The following CARMIL2 variants were observed in gnomAD, a reference collection of about 807,000 sequenced individuals.
The protein encoded by CARMIL2 is capping protein regulator and myosin 1 linker 2.
In CARMIL2, 96 loss-of-function variants were observed where a neutral mutation model predicts 173.3. That is an observed-to-expected ratio of 0.55 (90% CI 0.47 to 0.66). The LOEUF is 0.66. Among genes scored for constraint, CARMIL2 ranks in the 30% least tolerant of loss-of-function variants. CARMIL2 has a pLI of 0.00. For synonymous variants in CARMIL2, 830 were observed against 817.1 expected (o/e 1.02, Z -0.27); for missense variants, 1,771 against 1,906.7 (o/e 0.93, Z 1.33).
Position 67,656,824 on chromosome 16 carries a change from C to T in CARMIL2, c.4060C>T (p.Leu1354Phe). The T allele has an allele frequency of 6.4e-7, 1 of 1,551,048 alleles. No homozygotes were observed. Among genetic ancestry groups the T allele is most frequent in the Middle Eastern group, 1.7e-4 (1 of 5,934 alleles). Reference protein sequence around the residue: ...NEDGQLRPRPLSAGRRAVSVH... With the variant: ...NEDGQLRPRPFSAGRRAVSVH... ...AGATGGCCAGCTGAGGCCGAGGCCT[C>T]TCTCGGCAGGGCGGCGAGCAGTGTC... The change falls in exon 36 of 38, where the codon CTC (leucine) becomes TTC (phenylalanine). Residue 1354 changes from leucine (L) to phenylalanine (F), a missense_variant. Physicochemically the swap from Leu to Phe is conservative, Grantham distance 22. Around this residue, in one of 3 missense-constraint regions of CARMIL2, gnomAD observed 817 missense variants for 903.5 expected, o/e 0.90. Coordinates refer to ENST00000334583, the MANE Select transcript of CARMIL2 (RefSeq NM_001013838.3).
chr16:67,648,598 C>T lies in CARMIL2; in HGVS notation c.1440-87C>T. Reference sequence around the variant, plus strand: ...CCTGCTTCTGTCGCTCCCACAACCTCCCCCAGATCCTGGCCCTGCCTCCTT... The same window carrying T: ...CCTGCTTCTGTCGCTCCCACAACCTTCCCCAGATCCTGGCCCTGCCTCCTT... On this transcript the variant is annotated intron_variant, in intron 15 of 37. Coordinates refer to ENST00000334583, the MANE Select transcript of CARMIL2 (RefSeq NM_001013838.3). The surrounding 1 kb of genome is among the most constrained non-coding windows in gnomAD (Gnocchi z 6.1). 2 of 1,488,128 alleles carry T rather than the reference C, an allele frequency of 1.3e-6. No individual in the cohort carries two copies. 92.2% of individuals were successfully genotyped at this position (1,488,128 alleles called of 1,614,324 possible). A position where few individuals can be genotyped will look rare whatever the true frequency, so the allele number is the denominator to read the frequency against.
In CARMIL2 at chr16:67,649,322, G is replaced by C. The variant is rs758955746; in HGVS notation, c.1746+11G>C. 78 of 1,611,170 alleles carry C rather than the reference G, an allele frequency of 4.8e-5. 1 individual carries two copies. In the South Asian group the frequency reaches 7.8e-4, roughly 16 times the overall value. ...CAGGACGACGATTGTGTGAGTTCAC[G>C]GGACCTTGCAGGGCCTCGGGCAATT... On this transcript the variant is annotated intron_variant, in intron 19 of 37. Transcript: ENST00000334583. The surrounding 1 kb of genome is among the most constrained non-coding windows in gnomAD (Gnocchi z 6.7).
chr16:67,647,646 G>A, intron 11 of CARMIL2, 34 bp from the exon 12 acceptor site: 1 of 1,601,352 alleles, frequency 6.2e-7, no homozygotes, highest in South Asian at 1.1e-5. Context: ...AGCAGGAGGA[G>A]GTGAGACCCA....
intron 31 of CARMIL2, 22 bp from the exon 32 acceptor site, chr16:67,654,756 A>G (rs1350114869): frequency 4.3e-6 from 7 of 1,612,794 alleles, no homozygotes; most frequent in East Asian, 2.2e-5. Flanking sequence ...ACTGTCTCCA[A>G]CTCGAGCATC....
In CARMIL2 at chr16:67,648,143, C is replaced by G. The variant is rs752218473; in HGVS notation, c.1163C>G (p.Ser388Cys). 1.6e-5 allele frequency: 26 copies of G among 1,612,366 alleles called. No homozygotes were observed. Among genetic ancestry groups the G allele is most frequent in the Non-Finnish European group, 2.0e-5 (24 of 1,179,434 alleles). Residue 388 changes from serine to cysteine, a missense_variant, in exon 14 of 38, where the codon TCC becomes TGC. Physicochemically the swap from Ser to Cys is moderately radical, Grantham distance 112 (BLOSUM62 -1). Coordinates refer to ENST00000334583, the MANE Select transcript of CARMIL2 (RefSeq NM_001013838.3). This position sits in a 1 kb window ranked among gnomAD's most constrained non-coding sequence, Gnocchi z 6.1. ...GCCCTGGACACTGTGAGGGGGTGCT[C>G]CGTGGGGGGATGGATGACCGGCAGG... ...DTALDTVRGCSVGGWMTGRAD... is the reference protein window; with the variant it reads ...DTALDTVRGCCVGGWMTGRAD...
At position 67,646,227 on chromosome 16, in the gene CARMIL2, G is replaced by C. The variant is rs772447058; in HGVS notation, c.291G>C (p.Glu97Asp). ...ELESLRELVLEFPGVAALEQL... is the reference protein window; with the variant it reads ...ELESLRELVLDFPGVAALEQL... The stretch of plus-strand genomic sequence containing the variant: ...AGTCCCTGCGTGAGCTGGTCCTGGA[G>C]TTTCCTGGTGTGGCCGCCCTGGAAC... Residue 97 changes from glutamate (E) to aspartate (D), a missense_variant, in exon 5 of 38, where the codon GAG (glutamate) becomes GAC (aspartate). This residue lies in a region of CARMIL2 where 944 missense variants were observed against 975.6 expected (regional missense o/e 0.97). Coordinates refer to ENST00000334583, the MANE Select transcript of CARMIL2 (RefSeq NM_001013838.3). This position sits in a 1 kb window ranked among gnomAD's most constrained non-coding sequence, Gnocchi z 4.6. The C allele has an allele frequency of 6.2e-7, 1 of 1,613,720 alleles. No homozygotes were observed. Among genetic ancestry groups the C allele is most frequent in the Non-Finnish European group, 8.5e-7 (1 of 1,179,898 alleles).
chr16:67,652,321 G>T lies in CARMIL2; in HGVS notation c.2799G>T (p.Lys933Asn). The T allele has an allele frequency of 6.2e-7, 1 of 1,613,126 alleles. No individual in the cohort carries two copies. Among genetic ancestry groups the T allele is most frequent in the Non-Finnish European group, 8.5e-7 (1 of 1,179,798 alleles). ...ELEGLFFPEE[K>N]EEEKEKDDSP... ...AAGGTCTTTTCTTCCCCGAGGAGAA[G>T]GAAGAGGAGAAGGAGAAGGTAAGTG... is the stretch of plus-strand genomic sequence containing the variant. The change falls in exon 27 of 38, where the codon AAG becomes AAT. Residue 933 changes from lysine (K) to asparagine (N), a missense_variant. Transcript: ENST00000334583. This position sits in a 1 kb window ranked among gnomAD's most constrained non-coding sequence, Gnocchi z 4.7.
rs1464308015 is a variant in CARMIL2 at position 67,652,434 on chromosome 16, T to A, written c.2818-38T>A. 1.2e-6 allele frequency: 2 copies of A among 1,611,780 alleles called. No homozygotes were observed. Among genetic ancestry groups the A allele is most frequent in the Admixed American group, 1.7e-5 (1 of 59,878 alleles). On this transcript the variant is annotated intron_variant, in intron 27 of 37. Transcript: ENST00000334583. This position sits in a 1 kb window ranked among gnomAD's most constrained non-coding sequence, Gnocchi z 4.7. The stretch of plus-strand genomic sequence containing the variant: ...AAAGGCAGCTCTTTTGGGTTGGTGC[T>A]CTCCTACCCCAGGCTGAGTTTGTGC...
Position 67,652,198 on chromosome 16 carries a change from G to C in CARMIL2, c.2677-1G>C. ...CCATCTTTGGCTGCTTGGTATTGCA[G>C]GTGGAGAGTCTGGCTCAGCAGGCAA... On this transcript the variant is annotated splice_acceptor_variant, in intron 26 of 37. Transcript: ENST00000334583. LOFTEE classifies it high-confidence loss of function. The surrounding 1 kb of genome is among the most constrained non-coding windows in gnomAD (Gnocchi z 4.7). 6.2e-7 allele frequency: 1 copy of C among 1,612,118 alleles called. No homozygotes were observed. The highest frequency in any genetic ancestry group is 8.5e-7 in the Non-Finnish European group (1 of 1,179,694).
In CARMIL2 at chr16:67,656,557, T is replaced by C. The variant is rs745998456; in HGVS notation, c.3948T>C (p.Pro1316=). The change falls in exon 35 of 38, where the codon CCT becomes CCC. Residue 1316 remains proline (P), a synonymous_variant. Coordinates refer to ENST00000334583, the MANE Select transcript of CARMIL2 (RefSeq NM_001013838.3). Reference sequence around the variant, plus strand: ...AGGATGGTCCAGGCCCTCCCTCCCCTGGTCAAAGCCCAAGTCCCTGCAGAA... The same window carrying C: ...AGGATGGTCCAGGCCCTCCCTCCCCCGGTCAAAGCCCAAGTCCCTGCAGAA... ...GQQDGPGPPS[P]GQSPSPCRTS... is the part of the protein sequence containing the mutation. 2 of 1,613,306 alleles carry C rather than the reference T, an allele frequency of 1.2e-6. No homozygotes were observed. Among genetic ancestry groups the C allele is most frequent in the Non-Finnish European group, 1.7e-6 (2 of 1,179,800 alleles).
In CARMIL2 at chr16:67,648,642, C is replaced by T; in HGVS notation, c.1440-43C>T. ...CCTCCTTCGTTCGCACCCTGGAGCC[C>T]CCTGTCCCAGCTCCCGCCACCCCGT... On this transcript the variant is annotated intron_variant, in intron 15 of 37. Transcript: ENST00000334583. This position sits in a 1 kb window ranked among gnomAD's most constrained non-coding sequence, Gnocchi z 6.1. 1.3e-6 allele frequency: 2 copies of T among 1,569,112 alleles called. No individual in the cohort carries two copies.
chr16:67,648,093 C>A lies in CARMIL2; in HGVS notation c.1113C>A (p.Phe371Leu). The A allele has an allele frequency of 2.5e-6, 4 of 1,613,032 alleles. No homozygotes were observed. The highest frequency in any genetic ancestry group is 3.4e-6 in the Non-Finnish European group (4 of 1,179,580). The change falls in exon 14 of 38, where the codon TTC becomes TTA. Residue 371 changes from phenylalanine (F) to leucine (L), a missense_variant. Phe to Leu is a conservative substitution (Grantham distance 22, BLOSUM62 0). Coordinates refer to ENST00000334583, the MANE Select transcript of CARMIL2 (RefSeq NM_001013838.3). This position sits in a 1 kb window ranked among gnomAD's most constrained non-coding sequence, Gnocchi z 6.1. ...TGAGCCGTCCTAACGTACTGTCGTT[C>A]CTGAATCTCGCAGGCACCGACACTG... The part of the protein sequence containing the change: ...SFLSRPNVLS[F>L]LNLAGTDTAL...
Position 67,648,945 on chromosome 16 carries a change from C to G in CARMIL2, c.1562C>G (p.Ala521Gly). Residue 521 changes from alanine to glycine, a missense_variant, in exon 17 of 38, where the codon GCT becomes GGT. This residue lies in a region of CARMIL2 where 944 missense variants were observed against 975.6 expected (regional missense o/e 0.97). Transcript: ENST00000334583. This position sits in a 1 kb window ranked among gnomAD's most constrained non-coding sequence, Gnocchi z 6.1. ...VIQDLVCDAG[A>G]VSSLDLADNG... ...CAAGACTTAGTGTGCGACGCAGGCG[C>G]TGTGAGCTCCCTGGATCTGGCGGAT... 3 of 1,610,022 alleles carry G rather than the reference C, an allele frequency of 1.9e-6. No homozygotes were observed. The highest frequency in any genetic ancestry group is 2.5e-6 in the Non-Finnish European group (3 of 1,178,414).
chr16:67,647,244 G>T, intron 9 of CARMIL2, 53 bp downstream of exon 9: 1 of 1,611,216 alleles, frequency 6.2e-7, no homozygotes, highest in Non-Finnish European at 8.5e-7. Flanking sequence ...GGGCCAGGGT[G>T]CAGCCCGCTG....
rs1567626368 is a variant in CARMIL2 at position 67,646,107 on chromosome 16, C to T, written c.249+27C>T. ...TGAGACACCTAGTACCCTACCTGGG[C>T]CTGCAGCCTGGTCTTCATGCTACCA... On this transcript the variant is annotated intron_variant, in intron 4 of 37. Transcript: ENST00000334583. This position sits in a 1 kb window ranked among gnomAD's most constrained non-coding sequence, Gnocchi z 4.6. 5 of 1,613,776 alleles carry T rather than the reference C, an allele frequency of 3.1e-6. No homozygotes were observed. The highest frequency in any genetic ancestry group is 4.5e-5 in the East Asian group (2 of 44,878).
chr16:67,648,027 C>G lies in CARMIL2; in HGVS notation c.1072-25C>G, dbSNP rs1250745624. On this transcript the variant is annotated intron_variant, in intron 13 of 37. Transcript: ENST00000334583. This position sits in a 1 kb window ranked among gnomAD's most constrained non-coding sequence, Gnocchi z 6.1. ...GCCCTGGGTAGGCGATCCCCCACTC[C>G]ATCGCACCCCTGTCCTCCCTCCAGG... The G allele has an allele frequency of 1.6e-5, 26 of 1,609,116 alleles. No individual in the cohort carries two copies. The highest frequency in any genetic ancestry group is 2.2e-5 in the Non-Finnish European group (26 of 1,177,942).
chr16:67,655,273 A>G (rs2052819644), intron 32 of CARMIL2, among the ~76,000 whole-genome samples: 2 of 152,148 alleles, frequency 1.3e-5, no homozygotes, highest in African/African-American at 4.8e-5. Context: ...CTCTACTAAA[A>G]ATACAAAAAT....
rs1463397838 is a variant in CARMIL2, at chr16:67,646,070, C to T, written c.239C>T (p.Thr80Ile). The T allele has an allele frequency of 8.1e-6, 13 of 1,613,674 alleles. No individual in the cohort carries two copies. The highest frequency in any genetic ancestry group is 4.4e-5 in the South Asian group (4 of 91,088). ...LEVQAMALQE[T>I]PPQVTFELES... ...GTCCAGGCCATGGCGCTGCAGGAGACACCCCCTCAGGTGAGACACCTAGTA... is the reference window on the plus strand; with the variant it reads ...GTCCAGGCCATGGCGCTGCAGGAGATACCCCCTCAGGTGAGACACCTAGTA... Residue 80 changes from threonine to isoleucine, a missense_variant, in exon 4 of 38, where the codon ACA (threonine) becomes ATA (isoleucine). By Grantham distance (89) the Thr-to-Ile change is moderately conservative. This residue lies in a region of CARMIL2 where 944 missense variants were observed against 975.6 expected (regional missense o/e 0.97). Transcript: ENST00000334583. This position sits in a 1 kb window ranked among gnomAD's most constrained non-coding sequence, Gnocchi z 4.6.
chr16:67,650,903 C>G, intron 22 of CARMIL2: 1 of 367,864 alleles, frequency 2.7e-6, no homozygotes, highest in Non-Finnish European at 5.0e-6. Flanking sequence ...ACCCCTCTCT[C>G]AGTCTATCCT....
Sources: gnomAD v4.1 joint callset for allele counts (sites outside exome capture counted in the v4.1 genomes callset) on GRCh38, gnomAD v4.1.1 for gene constraint, gnomAD v4.1.1 regional missense constraint, Gnocchi (gnomAD v3.1) non-coding constraint, MANE v1.5 for transcripts, NCBI Gene and HGNC (gene_info 2026-07-23, HGNC 2026-07-21) for gene names.